Variants in ZPLD1 observed in about 807,000 individuals in gnomAD.
The protein encoded by ZPLD1 is zona pellucida like domain containing 1, also known as zona pellucida-like domain-containing protein 1.
A neutral mutation model predicts 47.2 loss-of-function variants in ZPLD1; 34 were observed. The ratio of observed to expected loss-of-function variants is 0.72; its 90% CI spans 0.55 to 0.96. ZPLD1 has a LOEUF of 0.96. Among genes scored for constraint, ZPLD1 ranks in the 40% least tolerant of loss-of-function variants. The probability of loss-of-function intolerance (pLI) is 0.00; values close to 1 mark genes in which losing one functional copy is unlikely to be tolerated. For synonymous variants in ZPLD1, 176 were observed against 186.2 expected (o/e 0.95, Z 0.45); for missense variants, 512 against 505.8 (o/e 1.01, Z -0.12).
intron 7 of ZPLD1, among the ~76,000 whole-genome samples, chr3:102,415,472 A>T (rs761616960): frequency 6.6e-6 from 1 of 151,850 alleles, no homozygotes; most frequent in Non-Finnish European, 1.5e-5. Context: ...AAGCAAAAAA[A>T]GGAGCTCTGA....
At chr3:102,397,481 C>A (rs532910129) in intron 7 of ZPLD1, among the ~76,000 whole-genome samples, 34 of 152,042 alleles carry the variant, frequency 2.2e-4, no homozygotes, top group Non-Finnish European at 4.4e-4. Context: ...CAGTACTGCC[C>A]CGCTGCTCAA....
intron 7 of ZPLD1, among the ~76,000 whole-genome samples, chr3:102,405,365 T>G (rs1486301186): frequency 2.0e-5 from 3 of 152,010 alleles, no homozygotes; most frequent in Non-Finnish European, 2.9e-5. Flanking sequence ...ATTTCTCAAT[T>G]TTTATTGTTC....
chr3:102,394,892 CT>C (rs1401703679), intron 7 of ZPLD1, among the ~76,000 whole-genome samples: 8 of 152,084 alleles, frequency 5.3e-5, no homozygotes, highest in Non-Finnish European at 1.0e-4. Flanking sequence ...GTAGACTCTC[CT>C]TTTCAAAAGA....
At chr3:102,414,861 T>C (rs1706786955) in intron 7 of ZPLD1, among the ~76,000 whole-genome samples, 1 of 151,856 alleles carries the variant, frequency 6.6e-6, no homozygotes, top group South Asian at 2.1e-4. Context: ...AAATTCAGCA[T>C]TTTCAAAATA....
intron 7 of ZPLD1, among the ~76,000 whole-genome samples, chr3:102,397,291 G>T (rs1282885060): frequency 6.6e-6 from 1 of 152,090 alleles, no homozygotes; most frequent in Non-Finnish European, 1.5e-5. Context: ...AGAATCAATG[G>T]CAGACAGACT....
At position 102,457,631 on chromosome 3, in the gene ZPLD1, G is replaced by T. The variant is rs894700721; in HGVS notation, c.510-150G>T. ...CTCTTGCTTTTTTAGTATTTTATCT[G>T]TTCAGAGATTTAAACAGTATAGCAA... On this transcript the variant is annotated intron_variant, in intron 5 of 11. Coordinates refer to ENST00000466937, the MANE Select transcript of ZPLD1 (RefSeq NM_001329788.2). 190 of 620,398 alleles carry T rather than the reference G, an allele frequency of 3.1e-4. 1 individual carries two copies. In the East Asian group the frequency reaches 4.9e-3, roughly 16 times the overall value. 38.4% of individuals were successfully genotyped at this position (620,398 alleles called of 1,614,324 possible). A position where few individuals can be genotyped will look rare whatever the true frequency, so the allele number is the denominator to read the frequency against.
chr3:102,393,537 A>G (rs901781610), intron 7 of ZPLD1, among the ~76,000 whole-genome samples: 2 of 152,014 alleles, frequency 1.3e-5, no homozygotes, highest in African/African-American at 4.8e-5. Context: ...CTTGTCAGTG[A>G]ATTGGGGAAT....
At chr3:102,416,869 G>T (rs1706814716) in intron 7 of ZPLD1, among the ~76,000 whole-genome samples, 1 of 151,884 alleles carries the variant, frequency 6.6e-6, no homozygotes, top group African/African-American at 2.4e-5. Context: ...GATTTGTTTG[G>T]TGTAGAAAGT....
At position 102,478,340 on chromosome 3, in the gene ZPLD1, A is replaced by G. The variant is rs1358204420; in HGVS notation, c.*722A>G. 2.6e-5 allele frequency: 4 copies of G among 152,202 alleles called. No individual in the cohort carries two copies. The highest frequency in any genetic ancestry group is 6.5e-5 in the Admixed American group (1 of 15,274). The allele number at this position is 152,202 out of a possible 1,614,324, so 9.4% of individuals were successfully genotyped here. Reference sequence around the variant, plus strand: ...TTTTCTTCTTCTGGTTCAGGTGAGAACACCAGCACATGTTAACTCTCCTCC... The same window carrying G: ...TTTTCTTCTTCTGGTTCAGGTGAGAGCACCAGCACATGTTAACTCTCCTCC... On this transcript the variant is annotated 3_prime_UTR_variant, in exon 12 of 12. Coordinates refer to ENST00000466937, the MANE Select transcript of ZPLD1 (RefSeq NM_001329788.2).
At chr3:102,408,316 A>G (rs563394196) in intron 7 of ZPLD1, among the ~76,000 whole-genome samples, 1 of 152,010 alleles carries the variant, frequency 6.6e-6, no homozygotes, top group African/African-American at 2.4e-5. Flanking sequence ...TTTCTCAGGA[A>G]GACAGTAACA....
intron 4 of ZPLD1, among the ~76,000 whole-genome samples, chr3:102,453,702 C>T (rs1707373202): frequency 6.6e-6 from 1 of 152,158 alleles, no homozygotes; most frequent in Non-Finnish European, 1.5e-5. Flanking sequence ...TTTATCATAT[C>T]CAGTCTTACC....
chr3:102,441,116 A>T (rs1707170279), intron 3 of ZPLD1, among the ~76,000 whole-genome samples: 1 of 152,146 alleles, frequency 6.6e-6, no homozygotes, highest in Non-Finnish European at 1.5e-5. Context: ...TGATCAAGCC[A>T]TGACCCTGTT....
chr3:102,460,864 G>C (rs1429853639), intron 6 of ZPLD1, among the ~76,000 whole-genome samples: 1 of 151,846 alleles, frequency 6.6e-6, no homozygotes, highest in Non-Finnish European at 1.5e-5. Context: ...AAGATGAAAG[G>C]GCTGTATAGT....
chr3:102,432,346 C>T (rs561873145), upstream of ZPLD1, among the ~76,000 whole-genome samples: 167 of 152,122 alleles, frequency 1.1e-3, no homozygotes, highest in African/African-American at 3.8e-3. Flanking sequence ...TCACCGATGC[C>T]AAAGAACTCA....
intron 10 of ZPLD1, among the ~76,000 whole-genome samples, chr3:102,471,514 AT>A (rs1199642545): frequency 6.6e-6 from 1 of 152,196 alleles, no homozygotes; most frequent in Non-Finnish European, 1.5e-5. Context: ...CTTTATAAAC[AT>A]ATCCTCATGT....
chr3:102,452,272 A>G (rs79837532), intron 3 of ZPLD1, among the ~76,000 whole-genome samples: 1 of 132,064 alleles, frequency 7.6e-6, no homozygotes, highest in Non-Finnish European at 1.6e-5. Flanking sequence ...TTTTTTTTTT[A>G]CTGAGGCATG....
intron 7 of ZPLD1, among the ~76,000 whole-genome samples, chr3:102,463,921 G>T (rs1707549266): frequency 1.3e-5 from 2 of 151,522 alleles, no homozygotes; most frequent in Admixed American, 6.6e-5. Flanking sequence ...TTGGTGGCGG[G>T]CGCCTGTAGT....
At chr3:102,444,260 T>C (rs1021857068) in intron 3 of ZPLD1, among the ~76,000 whole-genome samples, 1 of 152,362 alleles carries the variant, frequency 6.6e-6, no homozygotes, top group African/African-American at 2.4e-5. Context: ...TGCCTCAGAC[T>C]GCTTATGAAC....
At position 102,477,684 on chromosome 3, in the gene ZPLD1, G is replaced by A. The variant is rs1331900609; in HGVS notation, c.*66G>A. On this transcript the variant is annotated 3_prime_UTR_variant, in exon 12 of 12. Transcript: ENST00000466937. ...TAAACTATGTGTGACTGCAGTCAGT[G>A]TTCCGTCTGAATTTCATGTCAGTCC... 8 of 1,404,316 alleles carry A rather than the reference G, an allele frequency of 5.7e-6. No homozygotes were observed. In the African/African-American group the frequency reaches 7.3e-5, roughly 13 times the overall value. The allele number at this position is 1,404,316 out of a possible 1,614,324, so 87.0% of individuals were successfully genotyped here.
Sources: gnomAD v4.1 joint callset for allele counts (sites outside exome capture counted in the v4.1 genomes callset) on GRCh38, gnomAD v4.1.1 for gene constraint, MANE v1.5 for transcripts, NCBI Gene and HGNC (gene_info 2026-07-23, HGNC 2026-07-21) for gene names.